Variants in CARS1 observed in about 807,000 individuals in gnomAD.
CARS1 encodes cysteinyl-tRNA synthetase 1.
A neutral mutation model predicts 106.2 loss-of-function variants in CARS1; 48 were observed. That is an observed-to-expected ratio of 0.45 (90% CI 0.36 to 0.57). The LOEUF (loss-of-function observed/expected upper bound fraction) is 0.57. CARS1 is among the 20% of genes least tolerant of loss of function. The probability of loss-of-function intolerance (pLI) is 0.00; values close to 1 mark genes in which losing one functional copy is unlikely to be tolerated. For synonymous variants in CARS1, 409 were observed against 403.4 expected (o/e 1.01, Z -0.17); for missense variants, 968 against 1,057.2 (o/e 0.92, Z 1.17).
At position 3,019,657 on chromosome 11, in the gene CARS1, T is replaced by A. The variant is rs769279392; in HGVS notation, c.1267-390A>T. On this transcript the variant is annotated intron_variant, in intron 11 of 22. Coordinates refer to ENST00000380525, the MANE Select transcript of CARS1 (RefSeq NM_001014437.3). The surrounding 1 kb of genome is among the most constrained non-coding windows in gnomAD (Gnocchi z 6.2). ...CTAGGAGGCAGAGGTTGCAGTGAGCTGAGATCGCGCCACTGCACTCCAGCC... is the reference window on the plus strand; with the variant it reads ...CTAGGAGGCAGAGGTTGCAGTGAGCAGAGATCGCGCCACTGCACTCCAGCC... Among the ~76,000 whole-genome samples, 11 of 150,580 alleles carry A rather than the reference T, an allele frequency of 7.3e-5. No individual in the cohort carries two copies. The highest frequency in any genetic ancestry group is 1.3e-4 in the Non-Finnish European group (9 of 67,762).
Position 3,048,078 on chromosome 11 carries a change from G to A in CARS1, c.26-77C>T, listed in dbSNP as rs1855295771. The A allele has an allele frequency of 1.3e-6, 2 of 1,550,028 alleles. No homozygotes were observed. Among genetic ancestry groups the A allele is most frequent in the Non-Finnish European group, 1.8e-6 (2 of 1,141,440 alleles). ...GGCCGCCAGAAAGACAGGGACTAGGGGATGGCACAGAACCAAGGAAAAAGG... is the reference window on the plus strand; with the variant it reads ...GGCCGCCAGAAAGACAGGGACTAGGAGATGGCACAGAACCAAGGAAAAAGG... On this transcript the variant is annotated intron_variant, in intron 1 of 22. Coordinates refer to ENST00000380525, the MANE Select transcript of CARS1 (RefSeq NM_001014437.3). The surrounding 1 kb of genome is among the most constrained non-coding windows in gnomAD (Gnocchi z 5.1).
chr11:3,038,909 A>G lies in CARS1; in HGVS notation c.651+285T>C, dbSNP rs1854041343. Reference sequence around the variant, plus strand: ...GACAGCAATATTGGTAAGCATTTTTATAAGTGTAATTAGTGGCACTGTGAT... The same window carrying G: ...GACAGCAATATTGGTAAGCATTTTTGTAAGTGTAATTAGTGGCACTGTGAT... On this transcript the variant is annotated intron_variant, in intron 6 of 22. Transcript: ENST00000380525. This position sits in a 1 kb window ranked among gnomAD's most constrained non-coding sequence, Gnocchi z 4.0. Among the ~76,000 whole-genome samples, 1 of 152,216 alleles carries G rather than the reference A, an allele frequency of 6.6e-6. No individual in the cohort carries two copies. The highest frequency in any genetic ancestry group is 6.5e-5 in the Admixed American group (1 of 15,284).
chr11:3,006,584 G>A lies in CARS1; in HGVS notation c.2149+295C>T, dbSNP rs191273025. 2.0e-5 allele frequency among the ~76,000 whole-genome samples: 3 copies of A among 152,386 alleles called. No individual in the cohort carries two copies. The East Asian group carries it at 5.8e-4, about 29-fold the overall frequency. ...GGATACAGGCTGGTTCCTCAGCTGA[G>A]AGCTTCAAAGGCGGTAGCAACAGGG... is the stretch of plus-strand genomic sequence containing the variant. On this transcript the variant is annotated intron_variant, in intron 19 of 22. Coordinates refer to ENST00000380525, the MANE Select transcript of CARS1 (RefSeq NM_001014437.3).
At position 3,003,229 on chromosome 11, in the gene CARS1, C is replaced by A. The variant is rs1423450380; in HGVS notation, c.2218-629G>T. Among the ~76,000 whole-genome samples, 1 of 152,214 alleles carries A rather than the reference C, an allele frequency of 6.6e-6. No individual in the cohort carries two copies. The highest frequency in any genetic ancestry group is 1.5e-5 in the Non-Finnish European group (1 of 68,032). On this transcript the variant is annotated intron_variant, in intron 20 of 22. Coordinates refer to ENST00000380525, the MANE Select transcript of CARS1 (RefSeq NM_001014437.3). This position sits in a 1 kb window ranked among gnomAD's most constrained non-coding sequence, Gnocchi z 4.8. ...TGGGAGGTTCTGGCCTGAGCCATTG[C>A]ACGAACAGACATGCCCTCCACTGAC... is the stretch of plus-strand genomic sequence containing the variant.
In CARS1 at chr11:3,034,239, T is replaced by C. The variant is rs998550731; in HGVS notation, c.801+3811A>G. On this transcript the variant is annotated intron_variant, in intron 7 of 22. Coordinates refer to ENST00000380525, the MANE Select transcript of CARS1 (RefSeq NM_001014437.3). This position sits in a 1 kb window ranked among gnomAD's most constrained non-coding sequence, Gnocchi z 6.3. Reference sequence around the variant, plus strand: ...TTTTGTTTTGTTTTGTTTTGTTTTTTTGAGACAGTCTCACTCTGTTTCCCA... The same window carrying C: ...TTTTGTTTTGTTTTGTTTTGTTTTTCTGAGACAGTCTCACTCTGTTTCCCA... 2.0e-5 allele frequency among the ~76,000 whole-genome samples: 3 copies of C among 152,074 alleles called. No homozygotes were observed. The highest frequency in any genetic ancestry group is 7.2e-5 in the African/African-American group (3 of 41,436).
Position 3,008,325 on chromosome 11 carries a change from A to C in CARS1, c.2069-1366T>G, listed in dbSNP as rs1850100158. ...ACACCTTCATTCACTGCTAGATAAA[A>C]TATTCACATATCCGGGCAGGCACGG... On this transcript the variant is annotated intron_variant, in intron 18 of 22. Transcript: ENST00000380525. The surrounding 1 kb of genome is among the most constrained non-coding windows in gnomAD (Gnocchi z 5.1). 1 of 152,278 alleles carries C rather than the reference A, an allele frequency of 6.6e-6. No homozygotes were observed. The highest frequency in any genetic ancestry group is 6.5e-5 in the Admixed American group (1 of 15,284). The allele number at this position is 152,278 out of a possible 1,614,324, so 9.4% of individuals were successfully genotyped here. A position where few individuals can be genotyped will look rare whatever the true frequency, so the allele number is the denominator to read the frequency against.
chr11:3,053,975 C>T lies in CARS1; in HGVS notation c.25+3368G>A, dbSNP rs934540869. 1.3e-5 allele frequency among the ~76,000 whole-genome samples: 2 copies of T among 152,180 alleles called. No individual in the cohort carries two copies. Among genetic ancestry groups the T allele is most frequent in the Non-Finnish European group, 2.9e-5 (2 of 68,034 alleles). The stretch of plus-strand genomic sequence containing the variant: ...GTTCCCCTGGTCCCACCCTCTACAG[C>T]TGCTCCTCTTGGGTCCTTCCCAGTG... On this transcript the variant is annotated intron_variant, in intron 1 of 22. Transcript: ENST00000380525. The surrounding 1 kb of genome is among the most constrained non-coding windows in gnomAD (Gnocchi z 6.6).
chr11:3,019,266 C>T lies in CARS1; in HGVS notation c.1268G>A (p.Gly423Asp). The change falls in exon 12 of 23, where the codon GGT becomes GAT. Residue 423 changes from glycine to aspartate, a missense_variant and splice_region_variant. Transcript: ENST00000380525. This position sits in a 1 kb window ranked among gnomAD's most constrained non-coding sequence, Gnocchi z 6.2. ...EPSWPCPWGK[G>D]RPGWHIECSA... Reference sequence around the variant, plus strand: ...GCACTCGATATGCCAGCCCGGACGACCCTGGAGAAAGCCGAACACACAGTG... The same window carrying T: ...GCACTCGATATGCCAGCCCGGACGATCCTGGAGAAAGCCGAACACACAGTG... The T allele has an allele frequency of 7.0e-7, 1 of 1,425,414 alleles. No individual in the cohort carries two copies. The highest frequency in any genetic ancestry group is 9.2e-7 in the Non-Finnish European group (1 of 1,081,970). 88.3% of individuals were successfully genotyped at this position (1,425,414 alleles called of 1,614,324 possible).
Position 3,043,830 on chromosome 11 carries a change from A to G in CARS1, c.275-1574T>C, listed in dbSNP as rs1005097983. ...TGCACTGTGTCTGGGCAGTGGGGGT[A>G]CTGTGGGCAGGTGGGAGATGGGGCA... On this transcript the variant is annotated intron_variant, in intron 2 of 22. Coordinates refer to ENST00000380525, the MANE Select transcript of CARS1 (RefSeq NM_001014437.3). This position sits in a 1 kb window ranked among gnomAD's most constrained non-coding sequence, Gnocchi z 4.0. Among the ~76,000 whole-genome samples the G allele has an allele frequency of 1.3e-5, 2 of 152,094 alleles. No homozygotes were observed. The highest frequency in any genetic ancestry group is 3.9e-4 in the East Asian group (2 of 5,182).
chr11:3,007,201 G>T, intron 18 of CARS1: 1 of 571,970 alleles, frequency 1.7e-6, no homozygotes, highest in Non-Finnish European at 3.1e-6. Flanking sequence ...AAGCCCAGGG[G>T]CTGTTCTGGG....
Position 3,022,110 on chromosome 11 carries a change from G to C in CARS1, c.1154-1778C>G, listed in dbSNP as rs1411445993. Among the ~76,000 whole-genome samples the C allele has an allele frequency of 6.6e-6, 1 of 152,168 alleles. No individual in the cohort carries two copies. Among genetic ancestry groups the C allele is most frequent in the Non-Finnish European group, 1.5e-5 (1 of 68,040 alleles). On this transcript the variant is annotated intron_variant, in intron 10 of 22. Transcript: ENST00000380525. The surrounding 1 kb of genome is among the most constrained non-coding windows in gnomAD (Gnocchi z 4.9). ...GGCAGAATGATGAGGCCGGTCACTGGCCAGGTGCAGTGCACGTCCATCCGC... is the reference window on the plus strand; with the variant it reads ...GGCAGAATGATGAGGCCGGTCACTGCCCAGGTGCAGTGCACGTCCATCCGC...
intron 17 of CARS1, among the ~76,000 whole-genome samples, chr11:3,014,810 C>G (rs906701358): frequency 6.6e-6 from 1 of 152,236 alleles, no homozygotes; most frequent in African/African-American, 2.4e-5. Flanking sequence ...ACTGTTTTCT[C>G]TTTGCAAGTT....
rs112748622 is a variant in CARS1 at position 3,028,317 on chromosome 11, C to T, written c.1031+679G>A. 5.5e-5 allele frequency: 28 copies of T among 510,032 alleles called. No homozygotes were observed. Among genetic ancestry groups the T allele is most frequent in the Non-Finnish European group, 8.6e-5 (24 of 278,080 alleles). 31.6% of individuals were successfully genotyped at this position (510,032 alleles called of 1,614,324 possible). Reference sequence around the variant, plus strand: ...CATTCGGGGCCACTACCGGTCTCCGCGTCTTGGTGGTAGTGGTCCCCCGGG... The same window carrying T: ...CATTCGGGGCCACTACCGGTCTCCGTGTCTTGGTGGTAGTGGTCCCCCGGG... On this transcript the variant is annotated intron_variant, in intron 9 of 22. Transcript: ENST00000380525. The surrounding 1 kb of genome is among the most constrained non-coding windows in gnomAD (Gnocchi z 4.4).
Position 3,028,201 on chromosome 11 carries a change from G to A in CARS1, c.1031+795C>T. 2.9e-6 allele frequency: 1 copy of A among 345,942 alleles called. No homozygotes were observed. Among genetic ancestry groups the A allele is most frequent in the Non-Finnish European group, 5.5e-6 (1 of 182,152 alleles). The allele number at this position is 345,942 out of a possible 1,614,324, so 21.4% of individuals were successfully genotyped here. On this transcript the variant is annotated intron_variant, in intron 9 of 22. Coordinates refer to ENST00000380525, the MANE Select transcript of CARS1 (RefSeq NM_001014437.3). This position sits in a 1 kb window ranked among gnomAD's most constrained non-coding sequence, Gnocchi z 4.4. ...AGGGCCCCCTGTCCAGTGGACACGT[G>A]ACCCACGTGGCCTTACCTATCATTG...
intron 20 of CARS1, 100 bp from the exon 21 acceptor site, chr11:3,002,700 T>C (rs774047188): frequency 1.3e-6 from 2 of 1,565,244 alleles, no homozygotes; most frequent in African/African-American, 1.4e-5. Flanking sequence ...TCCTAGGGCC[T>C]GGCATGGAGG....
At chr11:3,024,439 T>A (rs12803828) in intron 10 of CARS1, among the ~76,000 whole-genome samples, 135,215 of 150,442 alleles carry the variant, frequency 0.9, 60,685 homozygotes, top group African/African-American at 0.92. Flanking sequence ...TTTTTTATTT[T>A]AAAAAAAAAA....
chr11:3,000,982 C>T lies in CARS1; in HGVS notation c.*132G>A, dbSNP rs930098294. The T allele has an allele frequency of 6.9e-6, 7 of 1,015,318 alleles. No individual in the cohort carries two copies. The highest frequency in any genetic ancestry group is 1.0e-5 in the Non-Finnish European group (7 of 682,784). 62.9% of individuals were successfully genotyped at this position (1,015,318 alleles called of 1,614,324 possible). A position where few individuals can be genotyped will look rare whatever the true frequency, so the allele number is the denominator to read the frequency against. ...GTCTCAGAGCCAACGACGACACGAA[C>T]CTACATGAACACAACTCTTAATTTA... On this transcript the variant is annotated 3_prime_UTR_variant, in exon 23 of 23. Transcript: ENST00000380525. This position sits in a 1 kb window ranked among gnomAD's most constrained non-coding sequence, Gnocchi z 7.1.
In CARS1 at chr11:3,008,708, C is replaced by T. The variant is rs1478103753; in HGVS notation, c.2069-1749G>A. The T allele has an allele frequency of 6.6e-6, 1 of 152,156 alleles. No homozygotes were observed. The highest frequency in any genetic ancestry group is 2.4e-5 in the African/African-American group (1 of 41,418). The allele number at this position is 152,156 out of a possible 1,614,324, so 9.4% of individuals were successfully genotyped here. A position where few individuals can be genotyped will look rare whatever the true frequency, so the allele number is the denominator to read the frequency against. On this transcript the variant is annotated intron_variant, in intron 18 of 22. Coordinates refer to ENST00000380525, the MANE Select transcript of CARS1 (RefSeq NM_001014437.3). This position sits in a 1 kb window ranked among gnomAD's most constrained non-coding sequence, Gnocchi z 5.1. The stretch of plus-strand genomic sequence containing the variant: ...TGGGCAGCTTCCGGAGTTTCAACCT[C>T]CCCAGGCAGAGACCTAGGGGAACAA...
At position 3,039,260 on chromosome 11, in the gene CARS1, G is replaced by A. The variant is rs61737271; in HGVS notation, c.585C>T (p.Phe195=). Residue 195 remains phenylalanine, a synonymous_variant, in exon 6 of 23, where the codon TTC becomes TTT. Transcript: ENST00000380525. The surrounding 1 kb of genome is among the most constrained non-coding windows in gnomAD (Gnocchi z 5.6). ...CAGGCCTCTTCTCCCGATACTGCTC[G>A]AACAGGTGGTTCTGCCGGGCCCTCT... ...IIKRARQNHL[F]EQYREKRPEA... The A allele has an allele frequency of 1.2e-3, 1,891 of 1,613,592 alleles. 25 individuals are homozygous for A. The African/African-American group carries it at 0.022, about 18-fold the overall frequency.
Sources: gnomAD v4.1 joint callset for allele counts (sites outside exome capture counted in the v4.1 genomes callset) on GRCh38, gnomAD v4.1.1 for gene constraint, Gnocchi (gnomAD v3.1) non-coding constraint, MANE v1.5 for transcripts, NCBI Gene and HGNC (gene_info 2026-07-23, HGNC 2026-07-21) for gene names.